The following AUTS2 variants were observed in gnomAD, a reference collection of about 807,000 sequenced individuals.
AUTS2 encodes autism susceptibility gene 2 protein.
In AUTS2, 17 loss-of-function variants were observed where a neutral mutation model predicts 112.4. That is an observed-to-expected ratio of 0.15 (90% CI 0.10 to 0.23). The LOEUF (loss-of-function observed/expected upper bound fraction) is 0.23, where lower values mean the gene tolerates loss of function less well. Ranked by LOEUF, AUTS2 falls within the 10% of genes least tolerant of loss-of-function variation. AUTS2 has a pLI of 1.00. For synonymous variants in AUTS2, 751 were observed against 702.7 expected (o/e 1.07, Z -1.09); for missense variants, 1,510 against 1,701.6 (o/e 0.89, Z 1.98).
chr7:70,544,645 G>A (rs985125462), intron 5 of AUTS2, among the ~76,000 whole-genome samples: 4 of 152,146 alleles, frequency 2.6e-5, no homozygotes, highest in Non-Finnish European at 5.9e-5. Flanking sequence ...TTTGTCTTTC[G>A]TTGTTTTTTA....
intron 1 of AUTS2, among the ~76,000 whole-genome samples, chr7:69,819,638 G>GT (rs1429929056): frequency 2.6e-5 from 4 of 152,308 alleles, no homozygotes; most frequent in African/African-American, 7.2e-5. Context: ...TCTTAAGGGA[G>GT]TTTTTTAAAA....
intron 4 of AUTS2, among the ~76,000 whole-genome samples, chr7:70,270,716 C>G (rs959066632): frequency 1.3e-5 from 2 of 152,144 alleles, no homozygotes; most frequent in South Asian, 4.1e-4. Context: ...CTAACTACCC[C>G]CTCCTGCTTC....
intron 7 of AUTS2, among the ~76,000 whole-genome samples, chr7:70,764,386 G>A (rs903388322): frequency 2.0e-5 from 3 of 152,108 alleles, no homozygotes; most frequent in Non-Finnish European, 2.9e-5. Context: ...TTTGTTAACC[G>A]TTGCTTTATA....
chr7:70,685,192 G>A (rs1322726722), intron 5 of AUTS2, among the ~76,000 whole-genome samples: 1 of 152,090 alleles, frequency 6.6e-6, no homozygotes, highest in Non-Finnish European at 1.5e-5. Context: ...GTAGTTCTTG[G>A]CTGGGTACAG....
At chr7:69,741,469 C>T (rs1230917908) in intron 1 of AUTS2, among the ~76,000 whole-genome samples, 2 of 152,156 alleles carry the variant, frequency 1.3e-5, no homozygotes, top group Admixed American at 1.3e-4. Context: ...CTTTGGGAGG[C>T]CAAGTTGGGC....
intron 6 of AUTS2, among the ~76,000 whole-genome samples, chr7:70,736,541 G>A (rs1787791440): frequency 6.6e-6 from 1 of 152,262 alleles, no homozygotes; most frequent in Middle Eastern, 3.4e-3. Context: ...CATGCTTTAA[G>A]GTACGTCTAT....
chr7:69,877,952 G>A (rs186388741), intron 1 of AUTS2, among the ~76,000 whole-genome samples: 1 of 152,088 alleles, frequency 6.6e-6, no homozygotes, highest in Non-Finnish European at 1.5e-5. Context: ...CCATCTTTTG[G>A]TGTAAGCAGC....
chr7:69,714,243 GTGTATA>G (rs1164201627), intron 1 of AUTS2, among the ~76,000 whole-genome samples: 89 of 71,292 alleles, frequency 1.2e-3, no homozygotes, highest in African/African-American at 4.0e-3. Flanking sequence ...GTGCATGTGT[GTGTATA>G]TGTGTGTGTG....
At chr7:70,032,338 A>G (rs1286558156) in intron 2 of AUTS2, among the ~76,000 whole-genome samples, 1 of 152,068 alleles carries the variant, frequency 6.6e-6, no homozygotes, top group Non-Finnish European at 1.5e-5. Context: ...CATTCCCTTC[A>G]CTTGCATTTT....
chr7:70,626,069 C>T (rs1804926191), intron 5 of AUTS2, among the ~76,000 whole-genome samples: 1 of 152,000 alleles, frequency 6.6e-6, no homozygotes, highest in African/African-American at 2.4e-5. Flanking sequence ...CACACTACCA[C>T]ACCCAGCTAA....
At chr7:69,952,282 A>G (rs181502360) in intron 2 of AUTS2, among the ~76,000 whole-genome samples, 91 of 152,298 alleles carry the variant, frequency 6.0e-4, no homozygotes, top group African/African-American at 2.0e-3. Context: ...TAACCAAATG[A>G]AAGTAATTAA....
At chr7:70,678,420 T>C (rs1188033608) in intron 5 of AUTS2, among the ~76,000 whole-genome samples, 1 of 152,194 alleles carries the variant, frequency 6.6e-6, no homozygotes, top group Non-Finnish European at 1.5e-5. Context: ...TCAACTCTCC[T>C]TGGAGTGGTA....
chr7:70,139,183 T>C (rs997545464), intron 4 of AUTS2, among the ~76,000 whole-genome samples: 6 of 152,164 alleles, frequency 3.9e-5, no homozygotes, highest in African/African-American at 1.4e-4. Context: ...CCAAGGCTGG[T>C]CTTGAACTCC....
intron 1 of AUTS2, among the ~76,000 whole-genome samples, chr7:69,627,387 A>G (rs1794002965): frequency 6.6e-6 from 1 of 152,190 alleles, no homozygotes; most frequent in Non-Finnish European, 1.5e-5. Flanking sequence ...GCTACTTGGG[A>G]GGCCGAGGCA....
intron 1 of AUTS2, among the ~76,000 whole-genome samples, chr7:69,839,082 C>A (rs544386922): frequency 3.3e-5 from 5 of 152,112 alleles, no homozygotes; most frequent in Non-Finnish European, 5.9e-5. Context: ...GATTTCTGTT[C>A]GTAATCAGAA....
At chr7:70,066,625 G>A (rs1031822030) in intron 2 of AUTS2, among the ~76,000 whole-genome samples, 7 of 146,964 alleles carry the variant, frequency 4.8e-5, no homozygotes, top group African/African-American at 1.3e-4. Flanking sequence ...ACTGCACTCC[G>A]TCTCCCGGGT....
intron 5 of AUTS2, among the ~76,000 whole-genome samples, chr7:70,581,940 T>C (rs1802467458): frequency 6.6e-6 from 1 of 152,172 alleles, no homozygotes. Flanking sequence ...AAATTGAGCT[T>C]TAGTCTATGT....
Position 70,791,912 on chromosome 7 carries a change from GGGT to G in AUTS2, c.*924_*926del, listed in dbSNP as rs1331673352. ...TTGCCAGATGCCAAAATCAGGGGAC[GGGT>G]GGTGGTGTCTGTCAGACACACACAG... On this transcript the variant is annotated 3_prime_UTR_variant, in exon 19 of 19. Coordinates refer to ENST00000342771, the MANE Select transcript of AUTS2 (RefSeq NM_015570.4). 2 of 152,270 alleles carry G rather than the reference GGGT, an allele frequency of 1.3e-5. No individual in the cohort carries two copies. Among genetic ancestry groups the G allele is most frequent in the Admixed American group, 1.3e-4 (2 of 15,274 alleles). 9.4% of individuals were successfully genotyped at this position (152,270 alleles called of 1,614,324 possible).
At chr7:69,965,240 G>A (rs903311788) in intron 2 of AUTS2, among the ~76,000 whole-genome samples, 6 of 151,898 alleles carry the variant, frequency 4.0e-5, no homozygotes, top group African/African-American at 1.2e-4. Flanking sequence ...TACAAAACTT[G>A]GTTGTGTTGG....
Sources: gnomAD v4.1 joint callset for allele counts (sites outside exome capture counted in the v4.1 genomes callset) on GRCh38, gnomAD v4.1.1 for gene constraint, MANE v1.5 for transcripts, NCBI Gene and HGNC (gene_info 2026-07-23, HGNC 2026-07-21) for gene names.